GTPBP1: variants seen among roughly 807,000 people sequenced by gnomAD.
GTPBP1 encodes GTP binding protein 1, also known as GTP-binding protein 1.
GTPBP1 carries 23 observed loss-of-function variants against 62.0 expected under a neutral mutation model. The ratio of observed to expected loss-of-function variants is 0.37; its 90% CI spans 0.27 to 0.53. The LOEUF (loss-of-function observed/expected upper bound fraction) is 0.53, where lower values mean the gene tolerates loss of function less well. GTPBP1 is among the 20% of genes least tolerant of loss of function. GTPBP1 has a pLI of 0.89. For missense variants in GTPBP1, 640 were observed against 917.3 expected, an observed-to-expected ratio of 0.70 and a Z score of 3.90; for synonymous variants, 344 against 364.4, an observed-to-expected ratio of 0.94 and a Z score of 0.64.
At chr22:38,725,677 G>C (rs1160947177) in intron 6 of GTPBP1, 1 of 281,060 alleles carries the variant, frequency 3.6e-6, no homozygotes, top group African/African-American at 2.2e-5. Flanking sequence ...TGGAAAGGCG[G>C]TTAAGGATTT....
chr22:38,720,595 A>G (rs1300267038), intron 4 of GTPBP1, among the ~76,000 whole-genome samples: 1 of 152,042 alleles, frequency 6.6e-6, no homozygotes, highest in Non-Finnish European at 1.5e-5. Flanking sequence ...CCTTAAAAGC[A>G]TATTTTGGAG....
downstream of GTPBP1, chr22:38,740,883 C>T: frequency 9.0e-7 from 1 of 1,107,754 alleles, no homozygotes; most frequent in Non-Finnish European, 1.3e-6. The surrounding 1 kb of genome is among the most constrained non-coding windows in gnomAD (Gnocchi z 4.8). Context: ...CAACCCCTCC[C>T]CCTACCATCT....
intron 5 of GTPBP1, chr22:38,723,087 G>A: frequency 1.3e-6 from 1 of 770,736 alleles, no homozygotes; most frequent in African/African-American, 1.7e-5. Context: ...ATCCAGGCAA[G>A]ATGACTAAAG....
chr22:38,741,497 G>T, downstream of GTPBP1: 1 of 1,613,896 alleles, frequency 6.2e-7, no homozygotes, highest in Non-Finnish European at 8.5e-7. Flanking sequence ...CGCTGACCTG[G>T]GAGGCCCGGA....
chr22:38,732,156 C>T lies in GTPBP1; in HGVS notation c.*1452C>T, dbSNP rs945491023. ...GACTGCTGGTCCCCTCTCCTTCCCT[C>T]CTTCCAGCTGTTTCTAGTTACCACC... On this transcript the variant is annotated 3_prime_UTR_variant, in exon 12 of 12. Coordinates refer to ENST00000216044, the MANE Select transcript of GTPBP1 (RefSeq NM_004286.5). 1.3e-5 allele frequency: 2 copies of T among 153,128 alleles called. No homozygotes were observed. The highest frequency in any genetic ancestry group is 4.8e-5 in the African/African-American group (2 of 41,410). 9.5% of individuals were successfully genotyped at this position (153,128 alleles called of 1,614,324 possible).
intron 2 of GTPBP1, among the ~76,000 whole-genome samples, chr22:38,713,361 C>A (rs927397624): frequency 2.0e-5 from 3 of 152,098 alleles, no homozygotes; most frequent in Non-Finnish European, 4.4e-5. Flanking sequence ...CAGAGTTGTG[C>A]TTTATTTAGG....
At chr22:38,742,366 GC>G, downstream of GTPBP1, 1 of 1,613,080 alleles carries the variant, frequency 6.2e-7, no homozygotes, top group Non-Finnish European at 8.5e-7. Flanking sequence ...CGGCTCACTA[GC>G]CCCTCCAGCA....
chr22:38,725,997 T>A lies in GTPBP1; in HGVS notation c.1074-9T>A. On this transcript the variant is annotated splice_polypyrimidine_tract_variant and intron_variant, in intron 6 of 11. Transcript: ENST00000216044. ...CTCCTTTTTTCCTTCCTCTTCTCCC[T>A]CTGCTTAGGATGTGCCCGATATTCC... 6.2e-7 allele frequency: 1 copy of A among 1,613,308 alleles called. No individual in the cohort carries two copies. The highest frequency in any genetic ancestry group is 8.5e-7 in the Non-Finnish European group (1 of 1,179,310).
downstream of GTPBP1, among the ~76,000 whole-genome samples, chr22:38,742,100 G>A (rs573077912): frequency 1.7e-4 from 26 of 151,568 alleles, no homozygotes; most frequent in East Asian, 4.1e-3. Context: ...TCGAGATCAC[G>A]CCACTGCACT....
chr22:38,729,527 G>A lies in GTPBP1; in HGVS notation c.1782G>A (p.Thr594=), dbSNP rs143672429. 2.4e-5 allele frequency: 38 copies of A among 1,609,600 alleles called. 1 individual carries two copies. The African/African-American group carries it at 3.1e-4, about 13-fold the overall frequency. ...CGCAGCAGATTAAAATGCAGTCGAC[G>A]AAAAAGGGCCCCCTGACGAAACGAG... ...SKPQQIKMQS[T]KKGPLTKRDE... The change falls in exon 11 of 12, where the codon ACG becomes ACA. Residue 594 remains threonine, a synonymous_variant. Transcript: ENST00000216044.
intron 2 of GTPBP1, among the ~76,000 whole-genome samples, chr22:38,712,007 C>T (rs1267656470): frequency 6.6e-6 from 1 of 151,988 alleles, no homozygotes; most frequent in South Asian, 2.1e-4. Context: ...CAGCCTCCCG[C>T]GTAGCTGGGA....
chr22:38,740,990 C>T (rs749056545), downstream of GTPBP1: 2 of 1,585,830 alleles, frequency 1.3e-6, no homozygotes, highest in South Asian at 2.3e-5. The surrounding 1 kb of genome is among the most constrained non-coding windows in gnomAD (Gnocchi z 4.8). Flanking sequence ...CCGAGGCCAG[C>T]TGGTGGCGCC....
rs909162770 is a variant in GTPBP1, at chr22:38,716,185, C to T, written c.485+98C>T. 5 of 987,934 alleles carry T rather than the reference C, an allele frequency of 5.1e-6. No homozygotes were observed. Among genetic ancestry groups the T allele is most frequent in the Middle Eastern group, 2.7e-4 (1 of 3,644 alleles). The allele number at this position is 987,934 out of a possible 1,614,324, so 61.2% of individuals were successfully genotyped here. A position where few individuals can be genotyped will look rare whatever the true frequency, so the allele number is the denominator to read the frequency against. On this transcript the variant is annotated intron_variant, in intron 3 of 11. Transcript: ENST00000216044. The surrounding 1 kb of genome is among the most constrained non-coding windows in gnomAD (Gnocchi z 5.2). ...CGTGTCAGCTCCATCCTTTCCCCTC[C>T]TGAGGCGGGGAAAGAGTGTCCAGGT... is the stretch of plus-strand genomic sequence containing the variant.
chr22:38,741,690 C>G (rs2092859064), downstream of GTPBP1: 9 of 896,664 alleles, frequency 1.0e-5, no homozygotes, highest in Middle Eastern at 8.6e-4. Context: ...AGCCCTGGCT[C>G]TCAGCCTTCT....
chr22:38,709,018 G>A (rs1027462109), intron 2 of GTPBP1, 62 bp downstream of exon 2: 3 of 996,062 alleles, frequency 3.0e-6, no homozygotes, highest in Non-Finnish European at 3.2e-6. Flanking sequence ...CGGTGGCCCT[G>A]CCGCCTGTAA....
downstream of GTPBP1, chr22:38,736,220 TGTTCACCCA>T: frequency 6.5e-7 from 1 of 1,547,686 alleles, no homozygotes; most frequent in Non-Finnish European, 8.9e-7. Context: ...GGCGGGGTGC[TGTTCACCCA>T]CTCCCAGATG....
At chr22:38,741,193 G>C, downstream of GTPBP1, 1 of 919,334 alleles carries the variant, frequency 1.1e-6, no homozygotes, top group Non-Finnish European at 1.7e-6. Context: ...AATCAAACTG[G>C]CCTCCTTGTC....
At chr22:38,708,056 A>G (rs945531149) in intron 1 of GTPBP1, among the ~76,000 whole-genome samples, 1 of 152,204 alleles carries the variant, frequency 6.6e-6, no homozygotes, top group African/African-American at 2.4e-5. Context: ...TGAGCTGTGG[A>G]CTAGATGCTT....
chr22:38,715,776 G>A, intron 2 of GTPBP1, 131 bp from the exon 3 acceptor site: 1 of 686,664 alleles, frequency 1.5e-6, no homozygotes, highest in South Asian at 1.9e-5. Flanking sequence ...AGGTAGAGAG[G>A]ACCCCTGTTC....
Sources: gnomAD v4.1 joint callset for allele counts (sites outside exome capture counted in the v4.1 genomes callset) on GRCh38, gnomAD v4.1.1 for gene constraint, Gnocchi (gnomAD v3.1) non-coding constraint, MANE v1.5 for transcripts, NCBI Gene and HGNC (gene_info 2026-07-23, HGNC 2026-07-21) for gene names.